The following FGGY variants were observed in gnomAD, a reference collection of about 807,000 sequenced individuals.
The protein encoded by FGGY is FGGY carbohydrate kinase domain-containing protein.
In FGGY, 72 loss-of-function variants were observed where a neutral mutation model predicts 71.3. The ratio of observed to expected loss-of-function variants is 1.01; its 90% CI spans 0.84 to 1.23. FGGY has a LOEUF of 1.23. Among genes scored for constraint, FGGY ranks in the 50% most tolerant of loss-of-function variants. The pLI, the probability that FGGY is intolerant of heterozygous loss-of-function variation, is 0.00. For missense variants in FGGY, 668 were observed against 682.3 expected, an observed-to-expected ratio of 0.98 and a Z score of 0.23; for synonymous variants, 251 against 250.3, an observed-to-expected ratio of 1.00 and a Z score of -0.02.
intron 14 of FGGY, among the ~76,000 whole-genome samples, chr1:59,684,338 A>G (rs1209898069): frequency 2.0e-5 from 3 of 152,124 alleles, no homozygotes; most frequent in African/African-American, 2.4e-5. Flanking sequence ...TTCCATTGCA[A>G]TTACTCTGCA....
intron 11 of FGGY, among the ~76,000 whole-genome samples, chr1:59,640,735 G>T (rs976195447): frequency 7.0e-4 from 106 of 150,956 alleles, no homozygotes; most frequent in Non-Finnish European, 1.2e-4. Flanking sequence ...AATACCAAAT[G>T]AATTAAGTGG....
intron 2 of FGGY, among the ~76,000 whole-genome samples, chr1:59,329,057 T>C (rs12409867): frequency 0.19 from 29,083 of 152,154 alleles, 3,361 homozygotes; most frequent in East Asian, 0.35. Flanking sequence ...ATGACACTGA[T>C]AGACTTGCTC....
intron 14 of FGGY, among the ~76,000 whole-genome samples, chr1:59,716,398 T>C (rs575463558): frequency 6.6e-6 from 1 of 152,338 alleles, no homozygotes; most frequent in East Asian, 1.9e-4. Context: ...GATCTCAGTC[T>C]ATCCAACAAC....
chr1:59,415,247 GT>G (rs1202621930), intron 5 of FGGY, among the ~76,000 whole-genome samples: 1 of 152,152 alleles, frequency 6.6e-6, no homozygotes, highest in Non-Finnish European at 1.5e-5. Context: ...GCTGAAAGAA[GT>G]TTTATTAAAA....
Position 59,421,940 on chromosome 1 carries a change from T to TA in FGGY, c.555-35020dup, listed in dbSNP as rs202128214. 4.7e-3 allele frequency among the ~76,000 whole-genome samples: 719 copies of TA among 152,332 alleles called. 6 individuals carry two copies. The highest frequency in any genetic ancestry group is 0.016 in the African/African-American group (664 of 41,584). ...TATTAGTCTGGAGTTTTAAAGGAGA[T>TA]ACCTGGGATCCCACCCTTACTTTGT... On this transcript the variant is annotated intron_variant, in intron 5 of 15. Coordinates refer to ENST00000303721, the MANE Select transcript of FGGY (RefSeq NM_018291.5).
intron 6 of FGGY, among the ~76,000 whole-genome samples, chr1:59,482,634 G>GTGTATATATATATA (rs144699610): frequency 1.4e-5 from 2 of 147,462 alleles, no homozygotes; most frequent in African/African-American, 2.5e-5. Context: ...GTGTCTGTGT[G>GTGTATATATATATA]TATATATATA....
intron 6 of FGGY, among the ~76,000 whole-genome samples, chr1:59,499,151 T>G (rs1439838273): frequency 2.6e-5 from 4 of 152,156 alleles, no homozygotes; most frequent in African/African-American, 9.7e-5. Context: ...AGCTGTTGCA[T>G]GTATCACCCC....
At chr1:59,400,377 A>G (rs2061800211) in intron 5 of FGGY, among the ~76,000 whole-genome samples, 1 of 152,200 alleles carries the variant, frequency 6.6e-6, no homozygotes, top group African/African-American at 2.4e-5. Context: ...TACGTCATAA[A>G]TATGTATTCT....
At chr1:59,471,031 C>A (rs764658047) in intron 6 of FGGY, among the ~76,000 whole-genome samples, 4 of 152,184 alleles carry the variant, frequency 2.6e-5, no homozygotes, top group Non-Finnish European at 4.4e-5. Context: ...GCCCATCACA[C>A]CATTACCTCC....
intron 4 of FGGY, among the ~76,000 whole-genome samples, chr1:59,374,143 C>T (rs1362038866): frequency 6.6e-6 from 1 of 152,164 alleles, no homozygotes; most frequent in Non-Finnish European, 1.5e-5. Context: ...AAAATTTTCA[C>T]AACCTACTCA....
At chr1:59,612,570 G>A (rs966750401) in intron 9 of FGGY, among the ~76,000 whole-genome samples, 1 of 152,104 alleles carries the variant, frequency 6.6e-6, no homozygotes, top group East Asian at 1.9e-4. Flanking sequence ...CATCAAGGCT[G>A]GGAAGAAACT....
At chr1:59,329,349 CT>C (rs1180476988) in intron 2 of FGGY, among the ~76,000 whole-genome samples, 2 of 152,172 alleles carry the variant, frequency 1.3e-5, no homozygotes, top group African/African-American at 4.8e-5. Flanking sequence ...TACTTTATTG[CT>C]AAAAATGCTA....
chr1:59,304,886 C>G (rs114017790), intron 1 of FGGY, among the ~76,000 whole-genome samples: 1 of 151,874 alleles, frequency 6.6e-6, no homozygotes, highest in Non-Finnish European at 1.5e-5. Flanking sequence ...AATAGAAATG[C>G]GGCTGCTTTT....
chr1:59,659,416 C>A (rs1479656303), intron 11 of FGGY, among the ~76,000 whole-genome samples: 1 of 152,190 alleles, frequency 6.6e-6, no homozygotes, highest in African/African-American at 2.4e-5. Context: ...GGACAACACA[C>A]ACCATAGGAA....
chr1:59,587,349 C>T lies in FGGY; in HGVS notation c.904-20454C>T, dbSNP rs542677981. On this transcript the variant is annotated intron_variant, in intron 8 of 15. Transcript: ENST00000303721. ...AAGGAGGCCTGCCTGCCTCTGTAGG[C>T]TCCACCTCTGGGGGCAGGGAACAGA... is the stretch of plus-strand genomic sequence containing the variant. Among the ~76,000 whole-genome samples the T allele has an allele frequency of 2.7e-3, 410 of 152,234 alleles. 5 individuals carry two copies. The highest frequency in any genetic ancestry group is 9.5e-3 in the African/African-American group (393 of 41,536).
chr1:59,493,680 G>A (rs1385209066), intron 6 of FGGY, among the ~76,000 whole-genome samples: 1 of 152,128 alleles, frequency 6.6e-6, no homozygotes, highest in Non-Finnish European at 1.5e-5. Context: ...TAGAGTTTCA[G>A]TTTTGCAAGA....
chr1:59,485,630 G>T (rs1318784404), intron 6 of FGGY, among the ~76,000 whole-genome samples: 1 of 152,156 alleles, frequency 6.6e-6, no homozygotes, highest in Admixed American at 6.5e-5. Flanking sequence ...TTGTAGATTT[G>T]TAGCTACACT....
Position 59,480,997 on chromosome 1 carries a change from A to G in FGGY, c.670+23921A>G, listed in dbSNP as rs568941656. Among the ~76,000 whole-genome samples the G allele has an allele frequency of 1.8e-4, 28 of 152,178 alleles. 1 individual carries two copies. The highest frequency in any genetic ancestry group is 5.3e-4 in the African/African-American group (22 of 41,544). On this transcript the variant is annotated intron_variant, in intron 6 of 15. Coordinates refer to ENST00000303721, the MANE Select transcript of FGGY (RefSeq NM_018291.5). ...TTTTATTTCATTTTGTTTAAATTCT[A>G]TTTTTAGGTATGCATCTTGACATAC...
chr1:59,485,571 T>C (rs560550358), intron 6 of FGGY, among the ~76,000 whole-genome samples: 1 of 152,274 alleles, frequency 6.6e-6, no homozygotes, highest in Non-Finnish European at 1.5e-5. Flanking sequence ...GTAGGAAATT[T>C]GTTTATTTGT....
Sources: gnomAD v4.1 joint callset for allele counts (sites outside exome capture counted in the v4.1 genomes callset) on GRCh38, gnomAD v4.1.1 for gene constraint, MANE v1.5 for transcripts, NCBI Gene and HGNC (gene_info 2026-07-23, HGNC 2026-07-21) for gene names.